The following RDM1 variants were observed in gnomAD, a reference collection of about 807,000 sequenced individuals.
RDM1 encodes RAD52 motif-containing protein 1.
Under a neutral mutation model 27.7 loss-of-function variants are expected in RDM1, and 28 were observed. That is an observed-to-expected ratio of 1.01 (90% CI 0.75 to 1.39). The LOEUF (loss-of-function observed/expected upper bound fraction) is 1.39. Ranked by LOEUF, RDM1 falls within the 40% of genes most tolerant of loss-of-function variation. RDM1 has a pLI of 0.00. For synonymous variants in RDM1, 124 were observed against 127.5 expected, an observed-to-expected ratio of 0.97 and a Z score of 0.19; for missense variants, 277 against 337.3, an observed-to-expected ratio of 0.82 and a Z score of 1.40.
At chr17:35,924,322 C>A (rs2089056367) in intron 4 of RDM1, among the ~76,000 whole-genome samples, 1 of 152,000 alleles carries the variant, frequency 6.6e-6, no homozygotes, top group Admixed American at 6.5e-5. Flanking sequence ...TAGTTCGAAG[C>A]AAGTTCTTAA....
chr17:35,922,340 G>A (rs2088972428), intron 5 of RDM1: 1 of 496,312 alleles, frequency 2.0e-6, no homozygotes, highest in Non-Finnish European at 3.5e-6. Context: ...AACATTTTCT[G>A]TGGGAACTGA....
rs764283844 is a variant in RDM1 at position 35,925,648 on chromosome 17, A to G, written c.277-11T>C. The G allele has an allele frequency of 1.9e-6, 3 of 1,611,946 alleles. No individual in the cohort carries two copies. In the African/African-American group the frequency reaches 4.0e-5, roughly 22 times the overall value. ...GGTGCCAAGACGAACCTAAAATCAT[A>G]GGAGATAGACCCATAAATATCACAA... On this transcript the variant is annotated splice_polypyrimidine_tract_variant and intron_variant, in intron 2 of 6. Coordinates refer to ENST00000620284, the MANE Select transcript of RDM1 (RefSeq NM_145654.4).
intron 2 of RDM1, among the ~76,000 whole-genome samples, chr17:35,927,605 T>C (rs550341675): frequency 1.3e-5 from 2 of 152,018 alleles, no homozygotes; most frequent in African/African-American, 2.4e-5. Context: ...CGTGCTAAAG[T>C]AGAAAAGAAC....
At chr17:35,926,665 A>G (rs947246021) in intron 2 of RDM1, among the ~76,000 whole-genome samples, 1 of 152,100 alleles carries the variant, frequency 6.6e-6, no homozygotes, top group Non-Finnish European at 1.5e-5. Flanking sequence ...CGGCCTCCCA[A>G]AGTGCTGGGA....
rs765443073 is a variant in RDM1 at position 35,925,518 on chromosome 17, G to A, written c.396C>T (p.Ile132=). 6.8e-6 allele frequency: 11 copies of A among 1,613,092 alleles called. 1 individual carries two copies. Among genetic ancestry groups the A allele is most frequent in the East Asian group, 2.2e-5 (1 of 44,884 alleles). ...AAAAAAAATCTACAAGGTTTACCTT[G>A]ATGATCCTTTTGGAACACCCATTGA... ...FGFNGCSKRI[I]KLQELSDLEE... Residue 132 remains isoleucine, a synonymous_variant, in exon 3 of 7, where the codon ATC becomes ATT. Coordinates refer to ENST00000620284, the MANE Select transcript of RDM1 (RefSeq NM_145654.4).
In RDM1 at chr17:35,920,182, C is replaced by T; in HGVS notation, c.753+5G>A. 6.7e-7 allele frequency: 1 copy of T among 1,501,588 alleles called. No homozygotes were observed. 93.0% of individuals were successfully genotyped at this position (1,501,588 alleles called of 1,614,324 possible). ...TGTTACCCCTGAGTTTTTATCTTCA[C>T]ATACTTGAATTAAACCGTGTAGTTC... On this transcript the variant is annotated splice_donor_5th_base_variant and intron_variant, in intron 6 of 6. Coordinates refer to ENST00000620284, the MANE Select transcript of RDM1 (RefSeq NM_145654.4).
chr17:35,928,496 C>T (rs1292835144), intron 2 of RDM1, among the ~76,000 whole-genome samples: 4 of 152,156 alleles, frequency 2.6e-5, no homozygotes, highest in Non-Finnish European at 4.4e-5. Flanking sequence ...GGCGCGGTGG[C>T]TCACGCTTGT....
At position 35,930,750 on chromosome 17, in the gene RDM1, G is replaced by A. The variant is rs1568411911; in HGVS notation, c.-23C>T. 1.9e-6 allele frequency: 3 copies of A among 1,609,078 alleles called. No homozygotes were observed. The highest frequency in any genetic ancestry group is 1.7e-4 in the Middle Eastern group (1 of 6,032). ...CATCCTCCCTTCACCGCACCTGCGC[G>A]GCTAACCCTCGCCCCAGCATTGCGC... On this transcript the variant is annotated 5_prime_UTR_variant, in exon 1 of 7. Transcript: ENST00000620284.
intron 5 of RDM1, among the ~76,000 whole-genome samples, chr17:35,920,505 A>G (rs4796133): frequency 0.17 from 24,794 of 143,726 alleles, 2,213 homozygotes; most frequent in South Asian, 0.27. Context: ...TGTCACCCAG[A>G]CTGGAGTACA....
chr17:35,925,542 G>A lies in RDM1; in HGVS notation c.372C>T (p.Phe124=). 6.2e-7 allele frequency: 1 copy of A among 1,613,788 alleles called. No individual in the cohort carries two copies. Among genetic ancestry groups the A allele is most frequent in the African/African-American group, 1.3e-5 (1 of 75,034 alleles). Residue 124 remains phenylalanine, a synonymous_variant, in exon 3 of 7, where the codon TTC becomes TTT. Transcript: ENST00000620284. The part of the protein sequence containing the change: ...CQELANYYFG[F]NGCSKRIIKL... ...TGATGATCCTTTTGGAACACCCATT[G>A]AAACCAAAGTAGTAATTCGCCAGTT...
intron 2 of RDM1, 57 bp downstream of exon 2, chr17:35,930,019 A>G (rs2141956245): frequency 2.8e-6 from 4 of 1,451,676 alleles, no homozygotes; most frequent in Non-Finnish European, 9.5e-7. Context: ...ATGCTAACCT[A>G]TTATTGAATT....
chr17:35,921,579 G>A (rs2088946235), intron 5 of RDM1, among the ~76,000 whole-genome samples: 1 of 152,212 alleles, frequency 6.6e-6, no homozygotes. Flanking sequence ...CAAAGCAGCT[G>A]ATTTTTGTAT....
In RDM1 at chr17:35,924,714, G is replaced by T; in HGVS notation, c.458C>A (p.Pro153Gln). The change falls in exon 4 of 7, where the codon CCG becomes CAG. Residue 153 changes from proline (P) to glutamine (Q), a missense_variant. Coordinates refer to ENST00000620284, the MANE Select transcript of RDM1 (RefSeq NM_145654.4). ...RENEDSMVPL[P>Q]KQSLKFFCAL... ...ACAGAAGAACTTCAGGCTTTGCTTC[G>T]GAAGTGGCACCATGCTATCTTCATT... 1 of 1,614,044 alleles carries T rather than the reference G, an allele frequency of 6.2e-7. No individual in the cohort carries two copies. The highest frequency in any genetic ancestry group is 8.5e-7 in the Non-Finnish European group (1 of 1,179,940).
rs1174259374 is a variant in RDM1 at position 35,918,189 on chromosome 17, C to G, written c.*153G>C. The G allele has an allele frequency of 6.2e-6, 4 of 643,066 alleles. No homozygotes were observed. Among genetic ancestry groups the G allele is most frequent in the Non-Finnish European group, 1.1e-5 (4 of 358,644 alleles). 39.8% of individuals were successfully genotyped at this position (643,066 alleles called of 1,614,324 possible). A position where few individuals can be genotyped will look rare whatever the true frequency, so the allele number is the denominator to read the frequency against. ...CTCCCTTCCCACTCCACCAGAACAC[C>G]CCTTCCCTCCCCTTCGCCAGGAAAG... On this transcript the variant is annotated 3_prime_UTR_variant, in exon 7 of 7. Coordinates refer to ENST00000620284, the MANE Select transcript of RDM1 (RefSeq NM_145654.4).
intron 2 of RDM1, 52 bp from the exon 3 acceptor site, chr17:35,925,689 T>C: frequency 6.4e-7 from 1 of 1,565,808 alleles, no homozygotes; most frequent in Non-Finnish European, 8.7e-7. Flanking sequence ...AGAGATTTTA[T>C]TTTGGATAGA....
At chr17:35,926,086 A>T (rs2089136878) in intron 2 of RDM1, among the ~76,000 whole-genome samples, 2 of 151,548 alleles carry the variant, frequency 1.3e-5, no homozygotes, top group African/African-American at 4.8e-5. Flanking sequence ...GTGAGCCGAG[A>T]TGGTGCCATG....
chr17:35,922,461 G>A (rs866732863), intron 5 of RDM1, 116 bp downstream of exon 5: 1 of 1,243,698 alleles, frequency 8.0e-7, no homozygotes, highest in Non-Finnish European at 1.1e-6. Flanking sequence ...TTTAGCAAAT[G>A]AAAGCATACT....
rs752193200 is a variant in RDM1 at position 35,922,575 on chromosome 17, AC to A, written c.667+1del. On this transcript the variant is annotated splice_donor_variant, in intron 5 of 6. Transcript: ENST00000620284. LOFTEE classifies it high-confidence loss of function. ...CTTCAAGGATGATCAAGACAGTCTT[AC>A]CTAGAACAACAATCAACAGTTTCTG... 2.2e-5 allele frequency: 35 copies of A among 1,611,144 alleles called. No homozygotes were observed. Among genetic ancestry groups the A allele is most frequent in the Non-Finnish European group, 3.0e-5 (35 of 1,179,346 alleles).
rs1340332244 is a variant in RDM1, at chr17:35,923,049, C to T, written c.569-374G>A. 2.0e-5 allele frequency among the ~76,000 whole-genome samples: 3 copies of T among 152,232 alleles called. No individual in the cohort carries two copies. The South Asian group carries it at 6.2e-4, about 32-fold the overall frequency. On this transcript the variant is annotated intron_variant, in intron 4 of 6. Coordinates refer to ENST00000620284, the MANE Select transcript of RDM1 (RefSeq NM_145654.4). ...GGTTTGGTTGGCTGGACCTGGTGGC[C>T]CATGCCTGTAATCCCAGCACCTGGG...
Sources: gnomAD v4.1 joint callset for allele counts (sites outside exome capture counted in the v4.1 genomes callset) on GRCh38, gnomAD v4.1.1 for gene constraint, MANE v1.5 for transcripts, NCBI Gene and HGNC (gene_info 2026-07-23, HGNC 2026-07-21) for gene names.